FHAD1: variants seen among roughly 807,000 people sequenced by gnomAD.
FHAD1 encodes the protein forkhead-associated domain-containing protein 1.
In FHAD1, 146 loss-of-function variants were observed where a neutral mutation model predicts 191.3. That is an observed-to-expected ratio of 0.76 (90% CI 0.67 to 0.88). FHAD1 has a LOEUF of 0.88. Ranked by LOEUF, FHAD1 falls within the 40% of genes least tolerant of loss-of-function variation. The pLI, the probability that FHAD1 is intolerant of heterozygous loss-of-function variation, is 0.00. For missense variants in FHAD1, 1,635 were observed against 1,785.8 expected (o/e 0.92, Z 1.52); for synonymous variants, 616 against 672.3 (o/e 0.92, Z 1.29).
rs1659814209 is a variant in FHAD1, at chr1:15,279,619, C to G, written c.300+7090C>G. ...TGAGCTTCACAGTCTCAAGCAGATT[C>G]TTGCCCCACCTGTAATGAGGTGGCC... On this transcript the variant is annotated intron_variant, in intron 3 of 33. Transcript: ENST00000688493. Among the ~76,000 whole-genome samples the G allele has an allele frequency of 2.0e-5, 3 of 147,948 alleles. No homozygotes were observed. The South Asian group carries it at 6.7e-4, about 33-fold the overall frequency.
At chr1:15,257,075 C>A (rs1414658387) in intron 2 of FHAD1, among the ~76,000 whole-genome samples, 1 of 152,222 alleles carries the variant, frequency 6.6e-6, no homozygotes, top group Non-Finnish European at 1.5e-5. Flanking sequence ...ACTATAAGAG[C>A]CTGCATCAAA....
chr1:15,310,877 C>G (rs1024729058), intron 7 of FHAD1, among the ~76,000 whole-genome samples: 1 of 152,152 alleles, frequency 6.6e-6, no homozygotes, highest in East Asian at 1.9e-4. Flanking sequence ...CAGAAGCCAT[C>G]ACAACACATC....
Position 15,247,372 on chromosome 1 carries a change from G to A in FHAD1, c.-38G>A, listed in dbSNP as rs537292258. 3.5e-4 allele frequency: 80 copies of A among 227,428 alleles called. No homozygotes were observed. Among genetic ancestry groups the A allele is most frequent in the African/African-American group, 1.9e-3 (79 of 42,460 alleles). 14.1% of individuals were successfully genotyped at this position (227,428 alleles called of 1,614,324 possible). Reference sequence around the variant, plus strand: ...GGCAGGGCTCTCGGCGGAGGTCGGAGCGTGGGCTTCCTCCTCCCGCCAGGT... The same window carrying A: ...GGCAGGGCTCTCGGCGGAGGTCGGAACGTGGGCTTCCTCCTCCCGCCAGGT... On this transcript the variant is annotated 5_prime_UTR_variant, in exon 1 of 34. Transcript: ENST00000688493.
chr1:15,391,799 A>G (rs760879180), intron 33 of FHAD1, among the ~76,000 whole-genome samples: 6 of 152,234 alleles, frequency 3.9e-5, no homozygotes, highest in African/African-American at 7.2e-5. Flanking sequence ...CCATTGTCCT[A>G]GGACAGAAGG....
At chr1:15,328,837 G>A (rs148567966) in intron 13 of FHAD1, 174 of 163,966 alleles carry the variant, frequency 1.1e-3, no homozygotes, top group African/African-American at 3.7e-3. Context: ...GAGCAGGGAC[G>A]GGAGGACTTG....
At chr1:15,379,184 G>A (rs1700324965) in intron 28 of FHAD1, among the ~76,000 whole-genome samples, 1 of 152,216 alleles carries the variant, frequency 6.6e-6, no homozygotes, top group African/African-American at 2.4e-5. Flanking sequence ...AGTTCCCTTA[G>A]TATTTATTGA....
chr1:15,256,728 G>A (rs1247368582), intron 2 of FHAD1, among the ~76,000 whole-genome samples: 2 of 151,714 alleles, frequency 1.3e-5, no homozygotes, highest in Non-Finnish European at 2.9e-5. Context: ...CTACACCGAG[G>A]AGATTTCAGG....
At chr1:15,397,081 C>A (rs1472208813) in intron 33 of FHAD1, among the ~76,000 whole-genome samples, 3 of 149,786 alleles carry the variant, frequency 2.0e-5, no homozygotes, top group African/African-American at 7.4e-5. Flanking sequence ...GTCCCAGCTA[C>A]TCGGGAGGCT....
At chr1:15,379,239 A>G (rs1034650238) in intron 28 of FHAD1, among the ~76,000 whole-genome samples, 2 of 152,232 alleles carry the variant, frequency 1.3e-5, no homozygotes, top group Non-Finnish European at 2.9e-5. Flanking sequence ...TCAGGGTCAC[A>G]AGACAATTGT....
chr1:15,328,403 C>G lies in FHAD1; in HGVS notation c.1684C>G (p.Leu562Val). Residue 562 changes from leucine (L) to valine (V), a missense_variant, in exon 13 of 34, where the codon CTG (leucine) becomes GTG (valine). Coordinates refer to ENST00000688493, the MANE Select transcript of FHAD1 (RefSeq NM_001391957.1). ...QEETTENIEK[L>V]RTSLDSCQAC... Reference sequence around the variant, plus strand: ...GGAGACCACCGAGAACATCGAGAAGCTGAGGACGTCGCTGGACAGCTGCCA... The same window carrying G: ...GGAGACCACCGAGAACATCGAGAAGGTGAGGACGTCGCTGGACAGCTGCCA... 2 of 1,542,600 alleles carry G rather than the reference C, an allele frequency of 1.3e-6. No homozygotes were observed. The highest frequency in any genetic ancestry group is 1.7e-6 in the Non-Finnish European group (2 of 1,143,630).
chr1:15,240,872 G>A (rs1465666319), intron 1 of FHAD1, among the ~76,000 whole-genome samples: 1 of 148,468 alleles, frequency 6.7e-6, no homozygotes, highest in African/African-American at 2.5e-5. Flanking sequence ...CAGAAGAATC[G>A]CTTGAACCTG....
At chr1:15,366,006 G>A (rs1411514673) in intron 24 of FHAD1, 73 bp downstream of exon 24, 17 of 1,111,880 alleles carry the variant, frequency 1.5e-5, no homozygotes, top group South Asian at 5.5e-5. Flanking sequence ...CTAAAGAGTC[G>A]GCCGGGCGCA....
At chr1:15,347,674 C>G (rs923514724) in intron 18 of FHAD1, among the ~76,000 whole-genome samples, 1 of 152,236 alleles carries the variant, frequency 6.6e-6, no homozygotes, top group African/African-American at 2.4e-5. Flanking sequence ...CTCTTGAACT[C>G]CTGGCCTCAA....
In FHAD1 at chr1:15,397,428, A is replaced by G; in HGVS notation, c.*15A>G. ...GAAAGTACTAGAGAAACCTCGTCCC[A>G]CCAGGCCTCATGTGATCCTCTGTGA... On this transcript the variant is annotated 3_prime_UTR_variant, in exon 34 of 34. Coordinates refer to ENST00000688493, the MANE Select transcript of FHAD1 (RefSeq NM_001391957.1). The G allele has an allele frequency of 7.4e-7, 1 of 1,351,236 alleles. No individual in the cohort carries two copies. Among genetic ancestry groups the G allele is most frequent in the East Asian group, 2.6e-5 (1 of 39,164 alleles). The allele number at this position is 1,351,236 out of a possible 1,614,324, so 83.7% of individuals were successfully genotyped here.
At chr1:15,251,988 C>T in intron 2 of FHAD1, 111 bp downstream of exon 2, 1 of 885,450 alleles carries the variant, frequency 1.1e-6, no homozygotes, top group South Asian at 1.8e-5. Flanking sequence ...ACAACCTGGG[C>T]AAGCAGCCAT....
chr1:15,273,345 G>A (rs1656940070), intron 3 of FHAD1, among the ~76,000 whole-genome samples: 1 of 152,006 alleles, frequency 6.6e-6, no homozygotes, highest in Admixed American at 6.6e-5. Flanking sequence ...CAGCTTTATT[G>A]AGGTATAGTT....
intron 18 of FHAD1, among the ~76,000 whole-genome samples, chr1:15,347,435 A>G (rs1689303074): frequency 6.6e-6 from 1 of 152,202 alleles, no homozygotes; most frequent in African/African-American, 2.4e-5. Context: ...GAGCAGCCCC[A>G]GCCACAGGCT....
At chr1:15,288,617 C>T (rs1272282815) in intron 3 of FHAD1, among the ~76,000 whole-genome samples, 1 of 152,198 alleles carries the variant, frequency 6.6e-6, no homozygotes, top group Non-Finnish European at 1.5e-5. Context: ...TTTTGACCAA[C>T]ATTTGAGGAC....
intron 6 of FHAD1, among the ~76,000 whole-genome samples, chr1:15,305,033 A>C (rs1395262310): frequency 6.6e-6 from 1 of 152,058 alleles, no homozygotes; most frequent in Admixed American, 6.5e-5. Context: ...GGATTCTTGC[A>C]CTCCTCTTAA....
Sources: allele counts gnomAD v4.1 joint callset (sites outside exome capture counted in the v4.1 genomes callset), GRCh38; gene constraint gnomAD v4.1.1; transcripts MANE v1.5; gene names NCBI Gene and HGNC (gene_info 2026-07-23, HGNC 2026-07-21).